Variants in EPM2A observed in about 807,000 individuals in gnomAD.
EPM2A encodes the protein laforin.
Under a neutral mutation model 26.5 loss-of-function variants are expected in EPM2A, and 21 were observed. That is an observed-to-expected ratio of 0.79 (90% CI 0.56 to 1.14). The LOEUF (loss-of-function observed/expected upper bound fraction) is 1.14, where lower values mean the gene tolerates loss of function less well. Ranked by LOEUF, EPM2A falls within the 50% of genes most tolerant of loss-of-function variation. The pLI is 0.00. For synonymous variants in EPM2A, 217 were observed against 177.6 expected, an observed-to-expected ratio of 1.22 and a Z score of -1.76; for missense variants, 458 against 440.8, an observed-to-expected ratio of 1.04 and a Z score of -0.35.
At chr6:145,653,163 T>C (rs1290592476) in intron 2 of EPM2A, among the ~76,000 whole-genome samples, 1 of 152,228 alleles carries the variant, frequency 6.6e-6, no homozygotes, top group East Asian at 1.9e-4. Flanking sequence ...CATCTTGAAT[T>C]ATAATCCCCA....
intron 2 of EPM2A, among the ~76,000 whole-genome samples, chr6:145,536,710 G>A (rs980700213): frequency 1.3e-5 from 2 of 152,200 alleles, no homozygotes; most frequent in Non-Finnish European, 2.9e-5. Context: ...CTGAGAGTGG[G>A]CAAGGATTTG....
Position 145,625,773 on chromosome 6 carries a change from C to A in EPM2A, c.*1643G>T. ...TCCCCTAAGTGCCACAGTTCTATCT[C>A]CCCGTCCTCTGAGCTCCACTGAAAC... On this transcript the variant is annotated 3_prime_UTR_variant, in exon 4 of 4. Coordinates refer to ENST00000367519, the MANE Select transcript of EPM2A (RefSeq NM_005670.4). 1 of 1,298,076 alleles carries A rather than the reference C, an allele frequency of 7.7e-7. No individual in the cohort carries two copies. The highest frequency in any genetic ancestry group is 1.1e-6 in the Non-Finnish European group (1 of 897,736). The allele number at this position is 1,298,076 out of a possible 1,614,324, so 80.4% of individuals were successfully genotyped here. A position where few individuals can be genotyped will look rare whatever the true frequency, so the allele number is the denominator to read the frequency against.
chr6:145,512,110 G>C (rs1162071244), intron 2 of EPM2A, among the ~76,000 whole-genome samples: 1 of 151,936 alleles, frequency 6.6e-6, no homozygotes, highest in African/African-American at 2.4e-5. Context: ...AAGAAATTGT[G>C]GATGACACAA....
At chr6:145,705,920 C>A (rs961372942) in intron 1 of EPM2A, 1 of 456,796 alleles carries the variant, frequency 2.2e-6, no homozygotes, top group East Asian at 7.0e-5. Context: ...AAAGATGGTG[C>A]TGGGTAACAT....
intron 4 of EPM2A, among the ~76,000 whole-genome samples, chr6:145,466,059 A>G (rs1431207048): frequency 1.3e-5 from 2 of 152,232 alleles, no homozygotes; most frequent in Non-Finnish European, 1.5e-5. Flanking sequence ...AGGCATTACC[A>G]TTCAGGACAT....
chr6:145,711,186 A>C (rs1021860420), intron 1 of EPM2A, among the ~76,000 whole-genome samples: 1 of 152,224 alleles, frequency 6.6e-6, no homozygotes, highest in African/African-American at 2.4e-5. Context: ...GTGGTCTTCC[A>C]AACCAGTTGA....
chr6:145,458,245 G>A (rs1235959476), intron 4 of EPM2A, among the ~76,000 whole-genome samples: 4 of 152,176 alleles, frequency 2.6e-5, no homozygotes, highest in Admixed American at 6.5e-5. Flanking sequence ...TTCTCCCCAT[G>A]CAATGATAAA....
downstream of EPM2A, among the ~76,000 whole-genome samples, chr6:145,621,866 T>C (rs1375099278): frequency 4.6e-5 from 7 of 152,206 alleles, no homozygotes; most frequent in East Asian, 1.3e-3. Context: ...ATATTATGGT[T>C]TGCAAATATT....
chr6:145,572,941 C>T (rs1376152714), intron 2 of EPM2A, among the ~76,000 whole-genome samples: 2 of 152,222 alleles, frequency 1.3e-5, no homozygotes, highest in African/African-American at 4.8e-5. Flanking sequence ...CGTTATGCCT[C>T]TTTCTGAGTT....
intron 1 of EPM2A, among the ~76,000 whole-genome samples, chr6:145,695,494 TAA>T (rs200834910): frequency 0.029 from 4,396 of 152,028 alleles, 226 homozygotes; most frequent in African/African-American, 0.1. Flanking sequence ...TCAAAAGATA[TAA>T]AGTGACTGAA....
chr6:145,728,830 G>C lies in EPM2A; in HGVS notation c.301+6368C>G, dbSNP rs941094228. On this transcript the variant is annotated intron_variant, in intron 1 of 3. Transcript: ENST00000367519. ...GTATATTAATAGCTAACACAATGTA[G>C]AAAAGGCCTGGAAGGCATTTCAGAG... Among the ~76,000 whole-genome samples the C allele has an allele frequency of 2.6e-5, 4 of 152,280 alleles. No individual in the cohort carries two copies. The East Asian group carries it at 7.7e-4, about 29-fold the overall frequency.
chr6:145,567,876 T>C (rs1347343314), intron 2 of EPM2A, among the ~76,000 whole-genome samples: 18 of 152,166 alleles, frequency 1.2e-4, no homozygotes, highest in African/African-American at 4.1e-4. Flanking sequence ...TAGAATAAGA[T>C]GGTCAGCAGA....
chr6:145,547,679 G>T (rs921674003), intron 2 of EPM2A, among the ~76,000 whole-genome samples: 1 of 152,056 alleles, frequency 6.6e-6, no homozygotes, highest in Non-Finnish European at 1.5e-5. Context: ...AACTATATCT[G>T]TTTGACATCT....
chr6:145,721,714 ACT>A (rs1185519317), intron 1 of EPM2A: 2 of 152,114 alleles, frequency 1.3e-5, no homozygotes, highest in African/African-American at 4.8e-5. Flanking sequence ...AAACACATTC[ACT>A]CTCACATCTC....
intron 2 of EPM2A, among the ~76,000 whole-genome samples, chr6:145,553,918 C>T (rs1390238009): frequency 1.3e-5 from 2 of 149,428 alleles, no homozygotes; most frequent in Admixed American, 1.3e-4. Flanking sequence ...TAGAAATTCA[C>T]ATTGGCATGG....
rs117523253 is a variant in EPM2A at position 145,398,501 on chromosome 6, C to T, written c.556-14404G>A. Among the ~76,000 whole-genome samples the T allele has an allele frequency of 9.2e-5, 14 of 152,050 alleles. No homozygotes were observed. In the East Asian group the frequency reaches 2.3e-3, roughly 25 times the overall value. ...TAGTTAAATTGTCTCAAAGTGTTGC[C>T]GCTGGAGACAATTTAACAAATTATT... On this transcript the variant is annotated intron_variant, in intron 4 of 4. Coordinates refer to the EPM2A transcript ENST00000638717.
chr6:145,446,579 T>G (rs1029718560), intron 4 of EPM2A, among the ~76,000 whole-genome samples: 1 of 152,132 alleles, frequency 6.6e-6, no homozygotes, highest in Non-Finnish European at 1.5e-5. Flanking sequence ...AATTTCTTCT[T>G]TGCTCTTATT....
rs142965572 is a variant in EPM2A at position 145,482,896 on chromosome 6, C to T, written c.555+19626G>A. Among the ~76,000 whole-genome samples, 16 of 150,172 alleles carry T rather than the reference C, an allele frequency of 1.1e-4. No individual in the cohort carries two copies. In the East Asian group the frequency reaches 2.5e-3, roughly 24 times the overall value. On this transcript the variant is annotated intron_variant, in intron 4 of 4. Transcript: ENST00000638717. ...TTTTTTTCTGTGGCTTAAAGAACAG[C>T]TTCAAGGGCAAGCATGAAAGGAAAT...
intron 2 of EPM2A, among the ~76,000 whole-genome samples, chr6:145,649,483 G>A (rs1030505852): frequency 6.6e-6 from 1 of 152,160 alleles, no homozygotes; most frequent in Non-Finnish European, 1.5e-5. Context: ...CTAATGTGTT[G>A]GTAAGCCTAT....
Sources: allele counts gnomAD v4.1 joint callset (sites outside exome capture counted in the v4.1 genomes callset), GRCh38; gene constraint gnomAD v4.1.1; transcripts MANE v1.5; gene names NCBI Gene and HGNC (gene_info 2026-07-23, HGNC 2026-07-21).